LRRTM4: variants seen among roughly 807,000 people sequenced by gnomAD.
LRRTM4 encodes the protein leucine-rich repeat transmembrane neuronal protein 4.
A neutral mutation model predicts 47.6 loss-of-function variants in LRRTM4; 25 were observed. That is an observed-to-expected ratio of 0.53 (90% CI 0.38 to 0.73). The LOEUF (loss-of-function observed/expected upper bound fraction) is 0.73, where lower values mean the gene tolerates loss of function less well. LRRTM4 is among the 30% of genes least tolerant of loss of function. The pLI, the probability that LRRTM4 is intolerant of heterozygous loss-of-function variation, is 0.00. For synonymous variants in LRRTM4, 311 were observed against 269.5 expected (o/e 1.15, Z -1.51); for missense variants, 638 against 713.4 (o/e 0.89, Z 1.20).
chr2:77,069,445 G>A (rs1010221554), intron 3 of LRRTM4, among the ~76,000 whole-genome samples: 2 of 151,276 alleles, frequency 1.3e-5, no homozygotes, highest in African/African-American at 2.4e-5. Context: ...GTGTTTGTGT[G>A]TGTTGGAAGA....
intron 3 of LRRTM4, among the ~76,000 whole-genome samples, chr2:76,787,802 C>T (rs1367028773): frequency 6.6e-6 from 1 of 152,000 alleles, no homozygotes; most frequent in East Asian, 1.9e-4. Context: ...ATTTTCTTTT[C>T]TGTCCAAGGA....
intron 3 of LRRTM4, among the ~76,000 whole-genome samples, chr2:77,325,574 T>C (rs146612783): frequency 3.9e-5 from 6 of 152,296 alleles, no homozygotes; most frequent in African/African-American, 1.4e-4. Flanking sequence ...TGAAGATATG[T>C]AATTGGCAGT....
chr2:77,019,411 G>C (rs887288905), intron 3 of LRRTM4, among the ~76,000 whole-genome samples: 1 of 151,972 alleles, frequency 6.6e-6, no homozygotes, highest in African/African-American at 2.4e-5. Context: ...AGAATCATGA[G>C]GTTTTAATCA....
At chr2:76,834,881 A>G (rs1671465194) in intron 3 of LRRTM4, among the ~76,000 whole-genome samples, 1 of 152,164 alleles carries the variant, frequency 6.6e-6, no homozygotes, top group Admixed American at 6.5e-5. Flanking sequence ...ACCATGACCA[A>G]GAAGAGTTTT....
intron 3 of LRRTM4, among the ~76,000 whole-genome samples, chr2:77,357,855 G>T (rs1277723319): frequency 6.6e-6 from 1 of 152,050 alleles, no homozygotes; most frequent in African/African-American, 2.4e-5. Context: ...AATAAACAGA[G>T]ATGGGTAAAA....
At chr2:77,317,338 C>A (rs1214439735) in intron 3 of LRRTM4, among the ~76,000 whole-genome samples, 1 of 151,998 alleles carries the variant, frequency 6.6e-6, no homozygotes, top group African/African-American at 2.4e-5. Flanking sequence ...AGTTAAAAAG[C>A]AAGGTTTTCT....
intron 3 of LRRTM4, among the ~76,000 whole-genome samples, chr2:77,335,101 A>T (rs1671112988): frequency 6.6e-6 from 1 of 152,176 alleles, no homozygotes; most frequent in Non-Finnish European, 1.5e-5. Flanking sequence ...TTTTGCAACT[A>T]GCTTATATTA....
At chr2:77,376,918 TACAAG>T (rs1672862185) in intron 3 of LRRTM4, among the ~76,000 whole-genome samples, 1 of 151,960 alleles carries the variant, frequency 6.6e-6, no homozygotes, top group African/African-American at 2.4e-5. Context: ...AGAGAATAAC[TACAAG>T]AACTATTTGT....
At chr2:77,050,503 A>G (rs73940255) in intron 3 of LRRTM4, among the ~76,000 whole-genome samples, 10,343 of 152,222 alleles carry the variant, frequency 0.068, 795 homozygotes, top group African/African-American at 0.18. Context: ...TCCACGTGTC[A>G]GAATACTTCT....
chr2:77,032,623 A>G (rs1678702367), intron 3 of LRRTM4, among the ~76,000 whole-genome samples: 2 of 152,162 alleles, frequency 1.3e-5, no homozygotes, highest in Admixed American at 1.3e-4. Context: ...AGTTTTTCCT[A>G]AAAGCTGTTC....
At position 77,286,301 on chromosome 2, in the gene LRRTM4, A is replaced by G. The variant is rs1044013358; in HGVS notation, c.1551+232017T>C. Among the ~76,000 whole-genome samples, 17 of 152,182 alleles carry G rather than the reference A, an allele frequency of 1.1e-4. No individual in the cohort carries two copies. In the East Asian group the frequency reaches 3.3e-3, roughly 29 times the overall value. On this transcript the variant is annotated intron_variant, in intron 3 of 3. Transcript: ENST00000409884. ...AAATAAAATGAAAATATGCTTTTAA[A>G]CACATACAATATAACATAGTCAAAG... is the stretch of plus-strand genomic sequence containing the variant.
intron 3 of LRRTM4, among the ~76,000 whole-genome samples, chr2:77,226,523 A>G (rs762766121): frequency 2.1e-4 from 28 of 132,984 alleles, no homozygotes; most frequent in Non-Finnish European, 4.2e-4. Context: ...TGCTTATTAC[A>G]GAGCAAATTA....
At chr2:76,796,280 A>T (rs1393669185) in intron 3 of LRRTM4, among the ~76,000 whole-genome samples, 1 of 73,622 alleles carries the variant, frequency 1.4e-5, no homozygotes, top group East Asian at 9.3e-4. Flanking sequence ...AGGTAAACAA[A>T]GCAGCCAGGA....
At chr2:77,137,328 T>C (rs1339785797) in intron 3 of LRRTM4, among the ~76,000 whole-genome samples, 1 of 151,872 alleles carries the variant, frequency 6.6e-6, no homozygotes, top group Non-Finnish European at 1.5e-5. Context: ...TTCAGCATTC[T>C]TAAAGAAAAC....
intron 3 of LRRTM4, among the ~76,000 whole-genome samples, chr2:76,998,757 T>G (rs1677298184): frequency 6.7e-6 from 1 of 148,414 alleles, no homozygotes; most frequent in African/African-American, 2.5e-5. Flanking sequence ...CAGTTTTTCC[T>G]CTATATTTTC....
chr2:77,447,156 C>G (rs1489122321), intron 3 of LRRTM4, among the ~76,000 whole-genome samples: 1 of 149,972 alleles, frequency 6.7e-6, no homozygotes, highest in Non-Finnish European at 1.5e-5. Flanking sequence ...ACATCTTTCA[C>G]CAGATTCTCC....
At chr2:77,379,289 T>C (rs915848501) in intron 3 of LRRTM4, among the ~76,000 whole-genome samples, 1 of 152,074 alleles carries the variant, frequency 6.6e-6, no homozygotes, top group Non-Finnish European at 1.5e-5. Flanking sequence ...AACGATTTTT[T>C]CCCCCGCTAT....
chr2:77,400,500 A>G (rs775562335), intron 3 of LRRTM4, among the ~76,000 whole-genome samples: 30 of 151,830 alleles, frequency 2.0e-4, no homozygotes, highest in Admixed American at 3.9e-4. Context: ...TACCTGGATA[A>G]CCAAGGGAGG....
intron 3 of LRRTM4, among the ~76,000 whole-genome samples, chr2:77,231,571 G>A (rs536562031): frequency 1.7e-4 from 26 of 151,870 alleles, no homozygotes; most frequent in Non-Finnish European, 3.2e-4. Context: ...AGCCCATAAA[G>A]CTTAACAGTT....
Sources: allele counts gnomAD v4.1 joint callset (sites outside exome capture counted in the v4.1 genomes callset), GRCh38; gene constraint gnomAD v4.1.1; transcripts MANE v1.5; gene names NCBI Gene and HGNC (gene_info 2026-07-23, HGNC 2026-07-21).